The following PTPRB variants were observed in gnomAD, a reference collection of about 807,000 sequenced individuals.
PTPRB encodes protein tyrosine phosphatase receptor type B, also known as receptor-type tyrosine-protein phosphatase beta.
A neutral mutation model predicts 238.1 loss-of-function variants in PTPRB; 97 were observed. The ratio of observed to expected loss-of-function variants is 0.41; its 90% CI spans 0.35 to 0.48. PTPRB has a LOEUF of 0.48. Among genes scored for constraint, PTPRB ranks in the 20% least tolerant of loss-of-function variants. PTPRB has a pLI of 0.30. For synonymous variants in PTPRB, 970 were observed against 995.4 expected (o/e 0.97, Z 0.48); for missense variants, 2,292 against 2,681.9 (o/e 0.85, Z 3.21).
chr12:70,597,972 T>TTA, intron 4 of PTPRB, among the ~76,000 whole-genome samples: 1 of 152,316 alleles, frequency 6.6e-6, no homozygotes, highest in East Asian at 1.9e-4. Flanking sequence ...TATGCCACAT[T>TTA]TATAACATCA....
chr12:70,622,787 T>C, intron 2 of PTPRB, 141 bp from the exon 3 acceptor site: 2 of 988,702 alleles, frequency 2.0e-6, no homozygotes, highest in Non-Finnish European at 1.4e-6. Flanking sequence ...AAAGCAAATA[T>C]ACTTTGAGTG....
intron 4 of PTPRB, among the ~76,000 whole-genome samples, chr12:70,607,496 A>G (rs1884044201): frequency 2.0e-5 from 3 of 150,958 alleles, no homozygotes; most frequent in South Asian, 4.2e-4. Context: ...TATGTGGTCT[A>G]TTTCAGGCTC....
chr12:70,625,097 A>G (rs937718417), intron 2 of PTPRB, among the ~76,000 whole-genome samples: 1 of 152,130 alleles, frequency 6.6e-6, no homozygotes, highest in African/African-American at 2.4e-5. Flanking sequence ...TTCATTTTCC[A>G]TTTTAGACCA....
chr12:70,526,525 C>T (rs1489064516), intron 32 of PTPRB, among the ~76,000 whole-genome samples: 1 of 152,182 alleles, frequency 6.6e-6, no homozygotes, highest in Admixed American at 6.5e-5. Context: ...ACATTTTAAA[C>T]AAATCAATAA....
At chr12:70,620,172 C>G (rs1187167791) in intron 3 of PTPRB, among the ~76,000 whole-genome samples, 1 of 152,188 alleles carries the variant, frequency 6.6e-6, no homozygotes, top group Non-Finnish European at 1.5e-5. Context: ...GATGCCCTAC[C>G]TGGGAGCTCA....
rs77947316 is a variant in PTPRB, at chr12:70,535,801, T to C, written c.6081+224A>G. ...TAATGGGCACTGCCACTAATCCCAG[T>C]CCTCAAATGGAAACAGCTTTGACTG... On this transcript the variant is annotated intron_variant, in intron 29 of 33. Coordinates refer to ENST00000334414, the MANE Select transcript of PTPRB (RefSeq NM_001109754.4). Among the ~76,000 whole-genome samples the C allele has an allele frequency of 9.3e-3, 1,418 of 152,242 alleles. 79 individuals are homozygous for C. The highest frequency in any genetic ancestry group is 0.076 in the Admixed American group (1,162 of 15,296).
intron 7 of PTPRB, among the ~76,000 whole-genome samples, chr12:70,590,683 C>G (rs1882404057): frequency 7.0e-6 from 1 of 142,078 alleles, no homozygotes; most frequent in Non-Finnish European, 1.5e-5. Flanking sequence ...ATTTTTGGCT[C>G]TTTAAGTTCA....
intron 18 of PTPRB, among the ~76,000 whole-genome samples, chr12:70,557,724 C>G (rs1165488720): frequency 6.6e-6 from 1 of 152,212 alleles, no homozygotes; most frequent in African/African-American, 2.4e-5. Context: ...GATGGAGAGC[C>G]TACACACCCT....
intron 29 of PTPRB, among the ~76,000 whole-genome samples, chr12:70,535,637 A>G (rs892148079): frequency 2.0e-5 from 3 of 152,086 alleles, no homozygotes; most frequent in Non-Finnish European, 2.9e-5. Flanking sequence ...TTATTATTTT[A>G]CTTTGTGTCT....
chr12:70,524,643 A>G (rs1215752159), intron 32 of PTPRB, 52 bp from the exon 33 acceptor site: 3 of 1,519,222 alleles, frequency 2.0e-6, no homozygotes, highest in Non-Finnish European at 2.7e-6. Context: ...ATGCATAAGA[A>G]AGATGAGAAA....
At chr12:70,561,019 G>A (rs1878418298) in intron 16 of PTPRB, 85 bp from the exon 17 acceptor site, 2 of 1,369,168 alleles carry the variant, frequency 1.5e-6, no homozygotes, top group Non-Finnish European at 2.0e-6. Flanking sequence ...GCTATGTTGG[G>A]CATGTGGGTG....
At chr12:70,593,250 T>C (rs894437435) in intron 6 of PTPRB, among the ~76,000 whole-genome samples, 6 of 152,134 alleles carry the variant, frequency 3.9e-5, no homozygotes, top group African/African-American at 1.4e-4. Context: ...CAGTGGCTCA[T>C]GCCTGTAATC....
At chr12:70,549,221 A>AT (rs1291694400) in intron 21 of PTPRB, among the ~76,000 whole-genome samples, 2 of 152,326 alleles carry the variant, frequency 1.3e-5, no homozygotes, top group African/African-American at 2.4e-5. Context: ...TATCTGATAG[A>AT]TTTTTTTCCA....
At chr12:70,569,304 A>G (rs1317266700) in intron 14 of PTPRB, among the ~76,000 whole-genome samples, 1 of 152,006 alleles carries the variant, frequency 6.6e-6, no homozygotes, top group Non-Finnish European at 1.5e-5. Flanking sequence ...GGGTTTAGCT[A>G]TGTTGCCCAG....
chr12:70,535,940 G>A, intron 29 of PTPRB, 85 bp downstream of exon 29: 1 of 1,537,194 alleles, frequency 6.5e-7, no homozygotes, highest in South Asian at 1.2e-5. Flanking sequence ...ACGTTGTTTT[G>A]CGGGGTTTCA....
rs1289073229 is a variant in PTPRB, at chr12:70,532,164, A to G, written c.6375T>C (p.Gly2125=). ...CAATAAAGGTTCCAGTCCTACCCAC[A>G]CCAGCACTAGAAGAGATGGCAAAGG... ...AGPTVVHCSA[G]VGRTGTFIAL... Residue 2125 remains glycine (G), a synonymous_variant, in exon 32 of 34, where the codon GGT becomes GGC. Transcript: ENST00000334414. 1 of 1,604,876 alleles carries G rather than the reference A, an allele frequency of 6.2e-7. No individual in the cohort carries two copies. Among genetic ancestry groups the G allele is most frequent in the South Asian group, 1.1e-5 (1 of 89,284 alleles).
At chr12:70,549,926 C>T (rs1876632220) in intron 21 of PTPRB, among the ~76,000 whole-genome samples, 1 of 152,214 alleles carries the variant, frequency 6.6e-6, no homozygotes, top group African/African-American at 2.4e-5. Context: ...GGCTCATTCC[C>T]GTATTTGTTC....
intron 6 of PTPRB, among the ~76,000 whole-genome samples, chr12:70,593,914 A>G (rs68176676): frequency 0.11 from 16,304 of 152,286 alleles, 994 homozygotes; most frequent in Non-Finnish European, 0.13. Flanking sequence ...AATGCCCAGC[A>G]TCTAGCTTAC....
At chr12:70,596,357 AAAAAAAAAAGAAAGAAAAAG>A in intron 4 of PTPRB, 30 bp from the exon 5 acceptor site, 1 of 1,301,552 alleles carries the variant, frequency 7.7e-7, no homozygotes, top group Non-Finnish European at 9.8e-7. Context: ...ACACACACAA[AAAAAAAAAAGAAAGAAAAAG>A]AAAAAAAAAG....
Sources: gnomAD v4.1 joint callset for allele counts (sites outside exome capture counted in the v4.1 genomes callset) on GRCh38, gnomAD v4.1.1 for gene constraint, MANE v1.5 for transcripts, NCBI Gene and HGNC (gene_info 2026-07-23, HGNC 2026-07-21) for gene names.